Variants in OPRD1 observed in about 807,000 individuals in gnomAD.
OPRD1 encodes opioid receptor delta 1.
In OPRD1, 19 loss-of-function variants were observed where a neutral mutation model predicts 17.5. The observed-to-expected ratio is 1.09, with a 90% CI of 0.76 to 1.60. The LOEUF is 1.60. Among genes scored for constraint, OPRD1 ranks in the 40% most tolerant of loss-of-function variants. OPRD1 has a pLI of 0.00. For missense variants in OPRD1, 483 were observed against 547.2 expected (o/e 0.88, Z 1.17); for synonymous variants, 256 against 240.9 (o/e 1.06, Z -0.58).
Position 28,812,268 on chromosome 1 carries a change from G to A in OPRD1, c.-116G>A. On this transcript the variant is annotated 5_prime_UTR_variant, in exon 1 of 3. Transcript: ENST00000234961. ...GGCGCAGAGACAGCGGGGCGGCCGGGGCGCGGCAGCCGGCGGCGTCGGGGC... is the reference window on the plus strand; with the variant it reads ...GGCGCAGAGACAGCGGGGCGGCCGGAGCGCGGCAGCCGGCGGCGTCGGGGC... 3.4e-6 allele frequency: 2 copies of A among 590,020 alleles called. No homozygotes were observed. Among genetic ancestry groups the A allele is most frequent in the Non-Finnish European group, 4.6e-6 (2 of 430,926 alleles). 36.5% of individuals were successfully genotyped at this position (590,020 alleles called of 1,614,324 possible).
intron 1 of OPRD1, among the ~76,000 whole-genome samples, chr1:28,840,335 C>A (rs1375456849): frequency 2.0e-5 from 3 of 152,030 alleles, no homozygotes; most frequent in Non-Finnish European, 4.4e-5. Context: ...CTCACTGCAG[C>A]CTCTACTTCC....
Position 28,862,784 on chromosome 1 carries a change from G to T in OPRD1, c.620G>T (p.Trp207Leu). The T allele has an allele frequency of 6.2e-7, 1 of 1,613,334 alleles. No individual in the cohort carries two copies. Among genetic ancestry groups the T allele is most frequent in the Non-Finnish European group, 8.5e-7 (1 of 1,179,698 alleles). Residue 207 changes from tryptophan (W) to leucine (L), a missense_variant, in exon 3 of 3, where the codon TGG becomes TTG. Transcript: ENST00000234961. ...VCMLQFPSPS[W>L]YWDTVTKICV... ...ATGCTCCAGTTCCCCAGCCCCAGCT[G>T]GTACTGGGACACGGTGACCAAGATC...
At chr1:28,844,375 C>T (rs753907198) in intron 1 of OPRD1, among the ~76,000 whole-genome samples, 8 of 152,104 alleles carry the variant, frequency 5.3e-5, no homozygotes, top group Non-Finnish European at 7.4e-5. Flanking sequence ...ACTGCAGCCT[C>T]GACCTCCAGG....
chr1:28,829,857 G>T (rs1021593526), intron 1 of OPRD1, among the ~76,000 whole-genome samples: 4 of 151,904 alleles, frequency 2.6e-5, no homozygotes, highest in Non-Finnish European at 5.9e-5. Context: ...CTACAGGTGC[G>T]CACCACCATA....
chr1:28,834,926 C>T (rs2088837897), intron 1 of OPRD1, among the ~76,000 whole-genome samples: 1 of 152,120 alleles, frequency 6.6e-6, no homozygotes, highest in South Asian at 2.1e-4. Context: ...TCTATGTTCC[C>T]ACAGTGTCCT....
At chr1:28,856,557 G>T (rs919936482) in intron 1 of OPRD1, among the ~76,000 whole-genome samples, 1 of 152,104 alleles carries the variant, frequency 6.6e-6, no homozygotes, top group Non-Finnish European at 1.5e-5. Context: ...CACTCCAGAG[G>T]CATGAGAGCA....
chr1:28,857,086 A>G (rs1179568166), intron 1 of OPRD1, among the ~76,000 whole-genome samples: 1 of 152,084 alleles, frequency 6.6e-6, no homozygotes, highest in East Asian at 1.9e-4. Context: ...TACTCCCCAA[A>G]GGCTAGGTCA....
chr1:28,848,654 A>C (rs954253512), intron 1 of OPRD1, among the ~76,000 whole-genome samples: 1 of 152,242 alleles, frequency 6.6e-6, no homozygotes, highest in African/African-American at 2.4e-5. Context: ...CCCAGTTTAT[A>C]GTAAGTTCAC....
chr1:28,847,455 G>T (rs1355513183), intron 1 of OPRD1, among the ~76,000 whole-genome samples: 1 of 152,194 alleles, frequency 6.6e-6, no homozygotes. Flanking sequence ...AAGGGCCCAG[G>T]TTCTTTGACG....
In OPRD1 at chr1:28,870,170, T is replaced by G. The variant is rs948834850; in HGVS notation, c.*6887T>G. 4 of 151,888 alleles carry G rather than the reference T, an allele frequency of 2.6e-5. No homozygotes were observed. The highest frequency in any genetic ancestry group is 6.6e-5 in the Admixed American group (1 of 15,250). The allele number at this position is 151,888 out of a possible 1,614,324, so 9.4% of individuals were successfully genotyped here. On this transcript the variant is annotated 3_prime_UTR_variant, in exon 3 of 3. Transcript: ENST00000234961. ...TCCCTGGTGCATAGTAAGTGCCCAA[T>G]AAAATGCAGCTTTTTTCATATTATC... is the stretch of plus-strand genomic sequence containing the variant.
At position 28,825,989 on chromosome 1, in the gene OPRD1, A is replaced by C. The variant is rs1426598356; in HGVS notation, c.227+13379A>C. 3.9e-5 allele frequency among the ~76,000 whole-genome samples: 6 copies of C among 152,252 alleles called. No homozygotes were observed. In the East Asian group the frequency reaches 1.2e-3, roughly 29 times the overall value. On this transcript the variant is annotated intron_variant, in intron 1 of 2. Transcript: ENST00000234961. ...TGGGATGCAACAGTGATGAAGACACAGTCCTTGCCCTCATGGAGCTGACAG... is the reference window on the plus strand; with the variant it reads ...TGGGATGCAACAGTGATGAAGACACCGTCCTTGCCCTCATGGAGCTGACAG...
intron 1 of OPRD1, among the ~76,000 whole-genome samples, chr1:28,844,650 A>G (rs1406684403): frequency 6.6e-6 from 1 of 152,106 alleles, no homozygotes; most frequent in Non-Finnish European, 1.5e-5. Flanking sequence ...TTCTTTATAT[A>G]GTCTGGATAT....
intron 1 of OPRD1, among the ~76,000 whole-genome samples, chr1:28,850,224 T>C (rs890964904): frequency 2.6e-5 from 4 of 152,118 alleles, no homozygotes; most frequent in Non-Finnish European, 5.9e-5. Flanking sequence ...CATGATCTCT[T>C]GTGCCTGTAA....
chr1:28,818,666 G>A (rs576954997), intron 1 of OPRD1, among the ~76,000 whole-genome samples: 92 of 152,310 alleles, frequency 6.0e-4, no homozygotes, highest in Middle Eastern at 3.4e-3. Context: ...TCTTACCATA[G>A]TGTCAAAAGC....
intron 1 of OPRD1, among the ~76,000 whole-genome samples, chr1:28,820,147 C>G (rs1420687014): frequency 1.3e-5 from 2 of 150,502 alleles, no homozygotes; most frequent in African/African-American, 4.9e-5. Flanking sequence ...GTCACACTTG[C>G]TTTGCATTCA....
chr1:28,850,267 A>G (rs1018222447), intron 1 of OPRD1, among the ~76,000 whole-genome samples: 3 of 152,070 alleles, frequency 2.0e-5, no homozygotes, highest in Non-Finnish European at 2.9e-5. Flanking sequence ...TGTGTAAGGA[A>G]CACTTGAACC....
At chr1:28,834,112 A>G (rs1221882932) in intron 1 of OPRD1, among the ~76,000 whole-genome samples, 1 of 152,064 alleles carries the variant, frequency 6.6e-6, no homozygotes, top group Non-Finnish European at 1.5e-5. Flanking sequence ...GGGTTTCACC[A>G]TGTTGGCCAG....
chr1:28,847,117 TCTC>T, intron 1 of OPRD1, among the ~76,000 whole-genome samples: 1 of 151,748 alleles, frequency 6.6e-6, no homozygotes. Flanking sequence ...AGTGGCGCGA[TCTC>T]AGCTCACTGC....
At chr1:28,860,038 A>G (rs1322281353) in intron 2 of OPRD1, among the ~76,000 whole-genome samples, 2 of 152,148 alleles carry the variant, frequency 1.3e-5, no homozygotes, top group Non-Finnish European at 2.9e-5. Context: ...CCGGCAGATG[A>G]ATATGGAGAG....
Sources: allele counts gnomAD v4.1 joint callset (sites outside exome capture counted in the v4.1 genomes callset), GRCh38; gene constraint gnomAD v4.1.1; transcripts MANE v1.5; gene names NCBI Gene and HGNC (gene_info 2026-07-23, HGNC 2026-07-21).